WDR35: variants seen among roughly 807,000 people sequenced by gnomAD.
WDR35 encodes WD repeat domain 35, also known as WD repeat-containing protein 35.
A neutral mutation model predicts 158.3 loss-of-function variants in WDR35; 118 were observed. That is an observed-to-expected ratio of 0.75 (90% CI 0.64 to 0.87). The LOEUF (loss-of-function observed/expected upper bound fraction) is 0.87, where lower values mean the gene tolerates loss of function less well. Among genes scored for constraint, WDR35 ranks in the 40% least tolerant of loss-of-function variants. The pLI is 0.00. For missense variants in WDR35, 1,263 were observed against 1,405.8 expected (o/e 0.90, Z 1.62); for synonymous variants, 448 against 476.1 (o/e 0.94, Z 0.77).
intron 18 of WDR35, 85 bp downstream of exon 18, chr2:19,938,180 A>G: frequency 3.2e-6 from 5 of 1,552,350 alleles, no homozygotes; most frequent in Non-Finnish European, 4.4e-6. Context: ...TCCCATCAGG[A>G]GGATAGTAGG....
intron 25 of WDR35, among the ~76,000 whole-genome samples, chr2:19,916,028 G>A (rs544549535): frequency 1.3e-4 from 19 of 151,970 alleles, no homozygotes; most frequent in Non-Finnish European, 2.5e-4. Context: ...GGTGATTTCC[G>A]CATTTCCAAC....
chr2:19,977,244 A>C (rs1248159685), intron 5 of WDR35, among the ~76,000 whole-genome samples: 1 of 152,248 alleles, frequency 6.6e-6, no homozygotes, highest in Non-Finnish European at 1.5e-5. Flanking sequence ...TGTTCAGCAC[A>C]GACATTTTTG....
intron 9 of WDR35, among the ~76,000 whole-genome samples, chr2:19,968,080 T>C (rs970937315): frequency 6.6e-6 from 1 of 152,202 alleles, no homozygotes; most frequent in Non-Finnish European, 1.5e-5. Context: ...ATTTTGTAGA[T>C]TGTCCCTCAA....
At position 19,953,870 on chromosome 2, in the gene WDR35, T is replaced by C. The variant is rs745401221; in HGVS notation, c.1364A>G (p.Asn455Ser). The change falls in exon 12 of 27, where the codon AAT becomes AGT. Residue 455 changes from asparagine to serine, a missense_variant. By Grantham distance (46) the Asn-to-Ser change is conservative. Coordinates refer to ENST00000281405, the MANE Select transcript of WDR35 (RefSeq NM_020779.4). Reference sequence around the variant, plus strand: ...TTCTTTTCGAGACCGTGTGATCTGATTAATTTCCAATGCTGTGAGCTTCTT... The same window carrying C: ...TTCTTTTCGAGACCGTGTGATCTGACTAATTTCCAATGCTGTGAGCTTCTT... ...VAKKLTALEINQITRSRKEGR... is the reference protein window; with the variant it reads ...VAKKLTALEISQITRSRKEGR... 4 of 1,614,058 alleles carry C rather than the reference T, an allele frequency of 2.5e-6. No homozygotes were observed. The highest frequency in any genetic ancestry group is 1.3e-5 in the African/African-American group (1 of 74,932).
In WDR35 at chr2:19,938,292, A is replaced by G; in HGVS notation, c.2036T>C (p.Ile679Thr). ...KVGIKDASQF[I>T]EDNPHPRLWR... ...AAGTCGGGGGTGTGGATTGTCCTCT[A>G]TGAACTGAGATGCATCTTTAATTCC... The change falls in exon 18 of 27, where the codon ATA (isoleucine) becomes ACA (threonine). Residue 679 changes from isoleucine (I) to threonine (T), a missense_variant. Transcript: ENST00000281405. 1.2e-6 allele frequency: 2 copies of G among 1,614,076 alleles called. No homozygotes were observed. The highest frequency in any genetic ancestry group is 1.3e-5 in the African/African-American group (1 of 75,028).
chr2:19,946,779 T>C (rs1358228945), intron 14 of WDR35, among the ~76,000 whole-genome samples: 1 of 152,202 alleles, frequency 6.6e-6, no homozygotes, highest in Non-Finnish European at 1.5e-5. Context: ...ATTCTAATTT[T>C]TTTTCATGTA....
rs886043316 is a variant in WDR35, at chr2:19,930,519, C to A, written c.2998G>T (p.Glu1000Ter). The part of the protein sequence containing the change: ...TSALAGLLEE[E>*]VLSTTDRFTD... ...AAACGATCTGTTGTAGACAGAACTTCTTCTTCCAGCAAACCAGCCAAGGCA... is the reference window on the plus strand; with the variant it reads ...AAACGATCTGTTGTAGACAGAACTTATTCTTCCAGCAAACCAGCCAAGGCA... Residue 1000 changes from glutamate (E) to a stop codon, truncating the protein, a stop_gained, in exon 25 of 27, where the codon GAA becomes TAA. Coordinates refer to ENST00000281405, the MANE Select transcript of WDR35 (RefSeq NM_020779.4). LOFTEE classifies it high-confidence loss of function. 1.9e-5 allele frequency: 31 copies of A among 1,614,150 alleles called. No individual in the cohort carries two copies. Among genetic ancestry groups the A allele is most frequent in the Non-Finnish European group, 2.6e-5 (31 of 1,180,020 alleles).
rs377677312 is a variant in WDR35 at position 19,982,532 on chromosome 2, C to A, written c.145G>T (p.Asp49Tyr). The part of the protein sequence containing the change: ...KVLKLETQTD[D>Y]AKLRGLAAPS... ...GCTGCAAGGCCCCTCAATTTTGCAT[C>A]ATCTAAAACAAAACAAAACAAACTA... Residue 49 changes from aspartate to tyrosine, a missense_variant and splice_region_variant, in exon 3 of 27, where the codon GAT becomes TAT. Coordinates refer to ENST00000281405, the MANE Select transcript of WDR35 (RefSeq NM_020779.4). 1.4e-5 allele frequency: 23 copies of A among 1,613,344 alleles called. No homozygotes were observed. Among genetic ancestry groups the A allele is most frequent in the Admixed American group, 5.0e-5 (3 of 59,862 alleles).
intron 25 of WDR35, among the ~76,000 whole-genome samples, chr2:19,920,863 A>C (rs367637581): frequency 2.3e-4 from 35 of 152,340 alleles, no homozygotes; most frequent in African/African-American, 7.9e-4. Flanking sequence ...CCTTAAGCTG[A>C]TAAGTAACTT....
rs570263573 is a variant in WDR35 at position 19,934,597 on chromosome 2, T to C, written c.2547+874A>G. ...CATTTACTCAGGAATATTACTATTC[T>C]GGATACCCTACAGCAAAATGTTTAT... is the stretch of plus-strand genomic sequence containing the variant. On this transcript the variant is annotated intron_variant, in intron 21 of 26. Transcript: ENST00000281405. The surrounding 1 kb of genome is among the most constrained non-coding windows in gnomAD (Gnocchi z 4.6). 4.4e-4 allele frequency among the ~76,000 whole-genome samples: 67 copies of C among 152,294 alleles called. No individual in the cohort carries two copies. The highest frequency in any genetic ancestry group is 1.5e-3 in the African/African-American group (64 of 41,572).
At chr2:19,950,773 C>T (rs1572341260) in intron 13 of WDR35, among the ~76,000 whole-genome samples, 1 of 152,162 alleles carries the variant, frequency 6.6e-6, no homozygotes, top group African/African-American at 2.4e-5. Context: ...ATTAAGCTTG[C>T]ACCCTTGCTT....
Position 19,975,558 on chromosome 2 carries a change from T to C in WDR35, c.542A>G (p.His181Arg). The C allele has an allele frequency of 1.2e-6, 2 of 1,613,878 alleles. No individual in the cohort carries two copies. The highest frequency in any genetic ancestry group is 1.7e-6 in the Non-Finnish European group (2 of 1,179,850). ...AAAATTTCCTTGATTATCGTAAATG[T>C]GTATTTCCCCATTTGCCATTCCAAA... Reference protein sequence around the residue: ...LLFGMANGEIHIYDNQGNFMI... With the variant: ...LLFGMANGEIRIYDNQGNFMI... The change falls in exon 6 of 27, where the codon CAC becomes CGC. Residue 181 changes from histidine to arginine, a missense_variant. Physicochemically the swap from His to Arg is conservative, Grantham distance 29. Transcript: ENST00000281405.
intron 25 of WDR35, 50 bp downstream of exon 25, chr2:19,930,346 C>T (rs1193696948): frequency 4.3e-6 from 7 of 1,612,850 alleles, no homozygotes; most frequent in Middle Eastern, 3.3e-4. Flanking sequence ...GCCCTTCATA[C>T]TCAATTTATA....
At chr2:19,952,002 C>T (rs193235931) in intron 12 of WDR35, 2 of 153,832 alleles carry the variant, frequency 1.3e-5, no homozygotes, top group African/African-American at 4.8e-5. Context: ...CTCTCTAGTA[C>T]CTGTACCTGT....
chr2:19,927,042 GAA>G (rs1228944589), intron 25 of WDR35, among the ~76,000 whole-genome samples: 1 of 152,274 alleles, frequency 6.6e-6, no homozygotes, highest in Non-Finnish European at 1.5e-5. Context: ...AAAACCTGAG[GAA>G]AGTGGGACAA....
chr2:19,977,766 TTC>T (rs1672258512), intron 5 of WDR35, among the ~76,000 whole-genome samples: 1 of 152,196 alleles, frequency 6.6e-6, no homozygotes, highest in Non-Finnish European at 1.5e-5. Flanking sequence ...TGGCCTCTGT[TTC>T]TCTCTCTAGA....
At chr2:19,943,495 T>C (rs764028861) in intron 16 of WDR35, among the ~76,000 whole-genome samples, 11 of 152,176 alleles carry the variant, frequency 7.2e-5, no homozygotes, top group Non-Finnish European at 1.6e-4. Flanking sequence ...TTTCTCATTC[T>C]TTTAAAATTT....
In WDR35 at chr2:19,982,652, T is replaced by C. The variant is rs1257020324; in HGVS notation, c.143-118A>G. 1.1e-5 allele frequency: 12 copies of C among 1,051,930 alleles called. No individual in the cohort carries two copies. The African/African-American group carries it at 1.9e-4, about 17-fold the overall frequency. 65.2% of individuals were successfully genotyped at this position (1,051,930 alleles called of 1,614,324 possible). On this transcript the variant is annotated intron_variant, in intron 2 of 26. Transcript: ENST00000281405. ...TCATTTTTCTAAGTATGCCCCATTC[T>C]GATATATTTTTCTCATGGTATAAAC...
chr2:19,951,347 C>A, intron 13 of WDR35, 68 bp downstream of exon 13: 2 of 1,318,272 alleles, frequency 1.5e-6, no homozygotes, highest in South Asian at 2.7e-5. Flanking sequence ...TTTCAGGTTT[C>A]AAAATAAAAT....
Sources: allele counts gnomAD v4.1 joint callset (sites outside exome capture counted in the v4.1 genomes callset), GRCh38; gene constraint gnomAD v4.1.1; non-coding constraint Gnocchi (gnomAD v3.1); transcripts MANE v1.5; gene names NCBI Gene and HGNC (gene_info 2026-07-23, HGNC 2026-07-21).